HS6ST1: variants seen among roughly 807,000 people sequenced by gnomAD.
The protein encoded by HS6ST1 is heparan-sulfate 6-O-sulfotransferase 1.
Under a neutral mutation model 25.2 loss-of-function variants are expected in HS6ST1, and 3 were observed. The observed-to-expected ratio is 0.12, with a 90% CI of 0.05 to 0.31. The LOEUF is 0.31. Among genes scored for constraint, HS6ST1 ranks in the 10% least tolerant of loss-of-function variants. The pLI, the probability that HS6ST1 is intolerant of heterozygous loss-of-function variation, is 1.00. For synonymous variants in HS6ST1, 204 were observed against 275.1 expected (o/e 0.74, Z 2.56); for missense variants, 310 against 609.6 (o/e 0.51, Z 5.18).
At chr2:128,273,918 C>T (rs1573690272) in intron 1 of HS6ST1, among the ~76,000 whole-genome samples, 2 of 152,154 alleles carry the variant, frequency 1.3e-5, no homozygotes, top group Admixed American at 1.3e-4. Context: ...AAGGGGGCGG[C>T]TCATGGCTCA....
intron 1 of HS6ST1, among the ~76,000 whole-genome samples, chr2:128,308,224 T>G (rs769940971): frequency 1.7e-4 from 26 of 151,976 alleles, no homozygotes; most frequent in Non-Finnish European, 8.8e-5. Context: ...TGGAGCACAG[T>G]GCATGGGGTC....
intron 1 of HS6ST1, among the ~76,000 whole-genome samples, chr2:128,294,609 A>G (rs1694011355): frequency 6.6e-6 from 1 of 151,678 alleles, no homozygotes; most frequent in South Asian, 2.1e-4. Flanking sequence ...TGGGGCCTGG[A>G]GAGCTGGGAG....
At chr2:128,292,755 G>C (rs1294630589) in intron 1 of HS6ST1, among the ~76,000 whole-genome samples, 1 of 152,012 alleles carries the variant, frequency 6.6e-6, no homozygotes, top group Non-Finnish European at 1.5e-5. Flanking sequence ...GAGGGGAGGG[G>C]CGGTGACTCA....
intron 1 of HS6ST1, among the ~76,000 whole-genome samples, chr2:128,286,552 G>A (rs936838719): frequency 6.6e-6 from 1 of 152,188 alleles, no homozygotes; most frequent in South Asian, 2.1e-4. Flanking sequence ...GGCTTTGCAG[G>A]CCATCCAAAT....
chr2:128,286,752 A>G (rs898873238), intron 1 of HS6ST1, among the ~76,000 whole-genome samples: 6 of 152,258 alleles, frequency 3.9e-5, no homozygotes, highest in African/African-American at 1.4e-4. Context: ...CAACGTCTGC[A>G]AGCGGGTGAA....
At chr2:128,300,458 C>T (rs1035674125) in intron 1 of HS6ST1, among the ~76,000 whole-genome samples, 5 of 152,294 alleles carry the variant, frequency 3.3e-5, no homozygotes, top group South Asian at 2.1e-4. Context: ...TCAAGGGGGC[C>T]GTGTGTTCGC....
At chr2:128,314,010 C>G (rs1300506996) in intron 1 of HS6ST1, among the ~76,000 whole-genome samples, 1 of 152,006 alleles carries the variant, frequency 6.6e-6, no homozygotes, top group East Asian at 1.9e-4. Flanking sequence ...CACAGATTCC[C>G]TTCTCATCTT....
At chr2:128,308,534 G>T (rs1169103998) in intron 1 of HS6ST1, among the ~76,000 whole-genome samples, 1 of 152,212 alleles carries the variant, frequency 6.6e-6, no homozygotes, top group Non-Finnish European at 1.5e-5. Flanking sequence ...CACCCACAGG[G>T]TCTCACGACC....
At chr2:128,294,817 G>C (rs974428157) in intron 1 of HS6ST1, among the ~76,000 whole-genome samples, 1 of 152,000 alleles carries the variant, frequency 6.6e-6, no homozygotes, top group Admixed American at 6.5e-5. Flanking sequence ...GCCTGGGTGG[G>C]CAGGCCCTGG....
At chr2:128,297,857 T>C (rs959198250) in intron 1 of HS6ST1, among the ~76,000 whole-genome samples, 1 of 152,004 alleles carries the variant, frequency 6.6e-6, no homozygotes, top group Non-Finnish European at 1.5e-5. Flanking sequence ...AAACAAAAAA[T>C]TGAAAATATT....
intron 1 of HS6ST1, among the ~76,000 whole-genome samples, chr2:128,310,417 G>A (rs1327944045): frequency 2.0e-5 from 3 of 152,222 alleles, no homozygotes; most frequent in Non-Finnish European, 4.4e-5. Context: ...GAGCCCTAGA[G>A]GGAGTTCAGG....
At chr2:128,307,459 G>A (rs909466976) in intron 1 of HS6ST1, among the ~76,000 whole-genome samples, 15 of 152,344 alleles carry the variant, frequency 9.8e-5, no homozygotes, top group African/African-American at 3.1e-4. Flanking sequence ...TGCAGGCACC[G>A]GGATGCCACA....
chr2:128,295,705 G>A (rs751728033), intron 1 of HS6ST1, among the ~76,000 whole-genome samples: 1 of 152,120 alleles, frequency 6.6e-6, no homozygotes, highest in Non-Finnish European at 1.5e-5. Context: ...AGAATGAAAG[G>A]ATGGTTCAAA....
intron 1 of HS6ST1, among the ~76,000 whole-genome samples, chr2:128,296,035 C>T (rs1694036166): frequency 6.6e-6 from 1 of 152,204 alleles, no homozygotes; most frequent in African/African-American, 2.4e-5. Context: ...TAAGAGAAGA[C>T]ATGAGAGATG....
At chr2:128,293,665 T>C (rs1203272419) in intron 1 of HS6ST1, among the ~76,000 whole-genome samples, 1 of 152,096 alleles carries the variant, frequency 6.6e-6, no homozygotes, top group Non-Finnish European at 1.5e-5. Flanking sequence ...CCCAGATTCT[T>C]TGGGGCCCAC....
At chr2:128,275,434 C>T (rs181524323) in intron 1 of HS6ST1, among the ~76,000 whole-genome samples, 8 of 152,108 alleles carry the variant, frequency 5.3e-5, no homozygotes, top group African/African-American at 1.9e-4. Context: ...AGGTAAACAC[C>T]GGAAGTATAC....
intron 1 of HS6ST1, among the ~76,000 whole-genome samples, chr2:128,288,037 C>T (rs552106701): frequency 6.6e-6 from 1 of 152,214 alleles, no homozygotes; most frequent in East Asian, 1.9e-4. Flanking sequence ...TGCCCTGCTT[C>T]TTCACAGGGC....
At position 128,276,907 on chromosome 2, in the gene HS6ST1, T is replaced by C. The variant is rs1259798329; in HGVS notation, c.528-8037A>G. On this transcript the variant is annotated intron_variant, in intron 1 of 1. Coordinates refer to ENST00000259241, the MANE Select transcript of HS6ST1 (RefSeq NM_004807.3). ...CGCTGCTGTGGTGAGCAAGACAGGC[T>C]CCACAAAAGGGGTGGAGGGCCCCTG... Among the ~76,000 whole-genome samples, 6 of 152,236 alleles carry C rather than the reference T, an allele frequency of 3.9e-5. 1 individual carries two copies. The South Asian group carries it at 8.3e-4, about 21-fold the overall frequency.
intron 1 of HS6ST1, among the ~76,000 whole-genome samples, chr2:128,281,639 G>C (rs1312296108): frequency 6.6e-6 from 1 of 152,186 alleles, no homozygotes; most frequent in African/African-American, 2.4e-5. Flanking sequence ...AGCCTGGTCT[G>C]CTTATGCTGG....
Sources: allele counts gnomAD v4.1 joint callset (sites outside exome capture counted in the v4.1 genomes callset), GRCh38; gene constraint gnomAD v4.1.1; transcripts MANE v1.5; gene names NCBI Gene and HGNC (gene_info 2026-07-23, HGNC 2026-07-21).